The following OPRM1 variants were observed in gnomAD, a reference collection of about 807,000 sequenced individuals.
OPRM1 encodes opioid receptor mu 1.
A neutral mutation model predicts 31.8 loss-of-function variants in OPRM1; 27 were observed. The ratio of observed to expected loss-of-function variants is 0.85; its 90% confidence interval spans 0.63 to 1.17. The LOEUF (loss-of-function observed/expected upper bound fraction) is 1.17, where lower values mean the gene tolerates loss of function less well. Ranked by LOEUF, OPRM1 falls within the 50% of genes most tolerant of loss-of-function variation. The pLI is 0.00. For missense variants in OPRM1, 536 were observed against 511.1 expected (o/e 1.05, Z -0.47); for synonymous variants, 196 against 189.9 (o/e 1.03, Z -0.26).
At chr6:154,028,484 T>C (rs1778828266) in intron 1 of OPRM1, among the ~76,000 whole-genome samples, 1 of 152,146 alleles carries the variant, frequency 6.6e-6, no homozygotes, top group African/African-American at 2.4e-5. Flanking sequence ...CACCACATAC[T>C]CCTATAGTCC....
chr6:154,210,295 A>G (rs1216931833), intron 3 of OPRM1, among the ~76,000 whole-genome samples: 1 of 152,200 alleles, frequency 6.6e-6, no homozygotes, highest in Admixed American at 6.5e-5. Flanking sequence ...TTTACAACTA[A>G]ATAATCATAA....
At chr6:154,035,323 T>G (rs1779240673), upstream of OPRM1, among the ~76,000 whole-genome samples, 1 of 152,154 alleles carries the variant, frequency 6.6e-6, no homozygotes, top group Non-Finnish European at 1.5e-5. Context: ...CTTATTTATT[T>G]TTTTACCATG....
At chr6:154,115,614 A>C (rs1796786465) in intron 3 of OPRM1, among the ~76,000 whole-genome samples, 1 of 152,188 alleles carries the variant, frequency 6.6e-6, no homozygotes, top group Admixed American at 6.5e-5. Context: ...TGTTCCCCCC[A>C]TCAGGTGTAA....
intron 1 of OPRM1, among the ~76,000 whole-genome samples, chr6:154,052,888 G>A (rs1444341707): frequency 6.6e-6 from 1 of 152,074 alleles, no homozygotes; most frequent in Non-Finnish European, 1.5e-5. Context: ...TTCAACATCA[G>A]AAAATAGCAA....
At chr6:154,241,234 C>CAAAAAAAAAAAAAAAAAAAAAAAAAAAAA (rs11308882) in intron 3 of OPRM1, among the ~76,000 whole-genome samples, 1 of 79,234 alleles carries the variant, frequency 1.3e-5, no homozygotes, top group Non-Finnish European at 2.5e-5. Context: ...GACTCCATCT[C>CAAAAAAAAAAAAAAAAAAAAAAAAAAAAA]AAAAAAAAAA....
At chr6:154,242,743 G>T (rs1000360897) in intron 3 of OPRM1, among the ~76,000 whole-genome samples, 1 of 151,834 alleles carries the variant, frequency 6.6e-6, no homozygotes, top group African/African-American at 2.4e-5. Flanking sequence ...AAAAATTAGC[G>T]GGGCATGGTG....
intron 1 of OPRM1, among the ~76,000 whole-genome samples, chr6:154,026,785 TTC>T (rs1209726124): frequency 5.9e-5 from 9 of 152,188 alleles, no homozygotes; most frequent in Admixed American, 6.5e-5. Context: ...TCTCTATAAT[TTC>T]TGTTTTATTA....
intron 3 of OPRM1, among the ~76,000 whole-genome samples, chr6:154,140,902 T>C (rs1322300459): frequency 6.6e-6 from 1 of 152,180 alleles, no homozygotes; most frequent in East Asian, 1.9e-4. Context: ...ACATGTCCAT[T>C]TGAGGCCAGC....
rs567350834 is a variant in OPRM1 at position 154,017,439 on chromosome 6, C to G, written c.-1+6421C>G. ...GCTTTTAATGGCACTGGGGCACAGGCGTACATGAGATCAGGGCAGACTGTC... is the reference window on the plus strand; with the variant it reads ...GCTTTTAATGGCACTGGGGCACAGGGGTACATGAGATCAGGGCAGACTGTC... On this transcript the variant is annotated intron_variant, in intron 1 of 5. Transcript: ENST00000434900. Among the ~76,000 whole-genome samples, 86 of 152,186 alleles carry G rather than the reference C, an allele frequency of 5.7e-4. 1 individual carries two copies. The highest frequency in any genetic ancestry group is 1.8e-3 in the African/African-American group (76 of 41,528).
intron 3 of OPRM1, among the ~76,000 whole-genome samples, chr6:154,103,073 A>G (rs75800771): frequency 0.011 from 1,618 of 152,284 alleles, 26 homozygotes; most frequent in African/African-American, 0.038. Flanking sequence ...AAAGATGAAG[A>G]TATTGTTAGA....
intron 3 of OPRM1, among the ~76,000 whole-genome samples, chr6:154,114,432 A>AG (rs1460610547): frequency 6.6e-5 from 10 of 151,930 alleles, no homozygotes; most frequent in Admixed American, 1.3e-4. Flanking sequence ...ATTTCTCTGC[A>AG]GAAAAAAAAA....
chr6:154,159,431 T>C (rs1214059573), intron 3 of OPRM1: 7 of 208,138 alleles, frequency 3.4e-5, no homozygotes, highest in South Asian at 1.6e-4. Context: ...AAGTGGAATA[T>C]GTACATTCTT....
At chr6:154,091,982 T>C in intron 3 of OPRM1, 1 of 978,538 alleles carries the variant, frequency 1.0e-6, no homozygotes, top group Non-Finnish European at 1.2e-6. Flanking sequence ...GATTAAAAAA[T>C]GACCATCCCT....
intron 1 of OPRM1, 79 bp downstream of exon 1, chr6:154,039,913 C>T (rs12209447): frequency 0.044 from 58,146 of 1,313,184 alleles, 1,611 homozygotes; most frequent in East Asian, 0.094. Context: ...TCCCAAGGCT[C>T]AATGTTGGGC....
chr6:154,034,628 T>C (rs1779197964), upstream of OPRM1, among the ~76,000 whole-genome samples: 1 of 152,114 alleles, frequency 6.6e-6, no homozygotes, highest in Non-Finnish European at 1.5e-5. Context: ...TCTGAAGTGA[T>C]AGACTGTGAT....
At chr6:154,246,697 C>T (rs373281207) in exon 4 of OPRM1, 3 of 1,613,894 alleles carry the variant, frequency 1.9e-6, no homozygotes, top group Admixed American at 1.7e-5. Context: ...ATACAGCCAC[C>T]CTTGGCAGTC....
In OPRM1 at chr6:154,128,361, A is replaced by G. The variant is rs187952024; in HGVS notation, c.*9640A>G. Among the ~76,000 whole-genome samples the G allele has an allele frequency of 1.3e-5, 2 of 152,346 alleles. No homozygotes were observed. The highest frequency in any genetic ancestry group is 3.9e-4 in the East Asian group (2 of 5,192). ...TCCTTCCTTCTAACTAAATCTTATC[A>G]TAAGCAAATCTATGCACCAAATTAT... On this transcript the variant is annotated 3_prime_UTR_variant, in exon 4 of 4. Coordinates refer to ENST00000330432, the MANE Select transcript of OPRM1 (RefSeq NM_000914.5).
intron 3 of OPRM1, among the ~76,000 whole-genome samples, chr6:154,098,757 G>T (rs556345068): frequency 6.6e-6 from 1 of 152,246 alleles, no homozygotes; most frequent in African/African-American, 2.4e-5. Flanking sequence ...TGACAAAAAT[G>T]GCAAAATTAA....
chr6:154,176,017 C>T lies in OPRM1; in HGVS notation c.1165-70676C>T, dbSNP rs761796948. ...TCCCTGGGATGCAAGACTGCTTCAA[C>T]GTACCCAAATCAATAGACATAATCT... On this transcript the variant is annotated intron_variant, in intron 3 of 3. Coordinates refer to the OPRM1 transcript ENST00000337049. Among the ~76,000 whole-genome samples, 4 of 152,176 alleles carry T rather than the reference C, an allele frequency of 2.6e-5. No individual in the cohort carries two copies. The East Asian group carries it at 5.8e-4, about 22-fold the overall frequency.
Sources: gnomAD v4.1 joint callset for allele counts (sites outside exome capture counted in the v4.1 genomes callset) on GRCh38, gnomAD v4.1.1 for gene constraint, MANE v1.5 for transcripts, NCBI Gene and HGNC (gene_info 2026-07-23, HGNC 2026-07-21) for gene names.